CDC14A: variants seen among roughly 807,000 people sequenced by gnomAD.
The protein encoded by CDC14A is cell division cycle 14A.
Under a neutral mutation model 74.4 loss-of-function variants are expected in CDC14A, and 53 were observed. The ratio of observed to expected loss-of-function variants is 0.71; its 90% CI spans 0.57 to 0.89. The LOEUF is 0.89. Among genes scored for constraint, CDC14A ranks in the 40% least tolerant of loss-of-function variants. CDC14A has a pLI of 0.00. For synonymous variants in CDC14A, 247 were observed against 258.4 expected (o/e 0.96, Z 0.43); for missense variants, 646 against 713.7 (o/e 0.91, Z 1.08).
chr1:100,385,737 C>G (rs1489619544), intron 3 of CDC14A, among the ~76,000 whole-genome samples: 1 of 152,108 alleles, frequency 6.6e-6, no homozygotes, highest in East Asian at 1.9e-4. Flanking sequence ...GACCCCTAGT[C>G]TGGGAGACGT....
At chr1:100,380,806 C>T (rs1159193703) in intron 3 of CDC14A, among the ~76,000 whole-genome samples, 2 of 152,228 alleles carry the variant, frequency 1.3e-5, no homozygotes, top group Admixed American at 6.5e-5. Context: ...CCACTCCCAG[C>T]CTTGCACTTT....
At chr1:100,498,408 G>A (rs1009165705) in intron 14 of CDC14A, among the ~76,000 whole-genome samples, 3 of 152,174 alleles carry the variant, frequency 2.0e-5, no homozygotes, top group African/African-American at 4.8e-5. Flanking sequence ...GGTGCAAAGC[G>A]TGCTCTTCTT....
chr1:100,367,660 A>G (rs1450191398), intron 2 of CDC14A, among the ~76,000 whole-genome samples: 1 of 152,214 alleles, frequency 6.6e-6, no homozygotes, highest in African/African-American at 2.4e-5. Flanking sequence ...TGACTTTTGA[A>G]GACTTGTTCA....
At chr1:100,370,459 C>G (rs1161600462) in intron 2 of CDC14A, among the ~76,000 whole-genome samples, 2 of 152,106 alleles carry the variant, frequency 1.3e-5, no homozygotes, top group African/African-American at 4.8e-5. Context: ...ACATTTAAAT[C>G]TTTAATCTAT....
At chr1:100,378,881 T>G (rs534255404) in intron 3 of CDC14A, among the ~76,000 whole-genome samples, 24 of 152,308 alleles carry the variant, frequency 1.6e-4, no homozygotes, top group Middle Eastern at 3.4e-3. Context: ...GAAGCCAGTA[T>G]TTTAGAAAGT....
intron 6 of CDC14A, 57 bp from the exon 7 acceptor site, chr1:100,442,877 T>G: frequency 8.8e-7 from 1 of 1,138,482 alleles, no homozygotes; most frequent in Non-Finnish European, 1.3e-6. Flanking sequence ...GTTCCAGAAA[T>G]GATGAGTAGA....
intron 3 of CDC14A, among the ~76,000 whole-genome samples, chr1:100,378,654 A>G (rs140490273): frequency 4.7e-4 from 71 of 152,336 alleles, no homozygotes; most frequent in Non-Finnish European, 8.7e-4. Flanking sequence ...ATGGAATTAT[A>G]CCAAAAAGAA....
chr1:100,462,373 A>G, intron 8 of CDC14A: 5 of 406,872 alleles, frequency 1.2e-5, no homozygotes, highest in South Asian at 1.2e-4. Context: ...TGGGAGTGGG[A>G]AGAGTATGCT....
intron 9 of CDC14A, among the ~76,000 whole-genome samples, chr1:100,465,954 T>A (rs1019225506): frequency 1.3e-5 from 2 of 152,186 alleles, no homozygotes; most frequent in East Asian, 1.9e-4. Context: ...GCTTAAAAAA[T>A]TTTGTTAAAG....
upstream of CDC14A, among the ~76,000 whole-genome samples, chr1:100,349,509 C>T (rs1446817373): frequency 6.6e-6 from 1 of 152,170 alleles, no homozygotes; most frequent in Non-Finnish European, 1.5e-5. Context: ...TTTTTATGAT[C>T]TCATTAGAAC....
At chr1:100,360,256 T>C (rs1441376355) in intron 2 of CDC14A, among the ~76,000 whole-genome samples, 1 of 150,398 alleles carries the variant, frequency 6.6e-6, no homozygotes, top group Non-Finnish European at 1.5e-5. Context: ...CTAGCCTTTT[T>C]CACCTTCTGT....
At chr1:100,377,518 T>C in intron 2 of CDC14A, 28 bp from the exon 3 acceptor site, 1 of 1,512,442 alleles carries the variant, frequency 6.6e-7, no homozygotes, top group Non-Finnish European at 9.1e-7. Flanking sequence ...GACTAAATAC[T>C]ACGTTTTTTG....
intron 7 of CDC14A, among the ~76,000 whole-genome samples, chr1:100,448,876 T>C (rs1281584874): frequency 6.6e-6 from 1 of 152,238 alleles, no homozygotes; most frequent in Non-Finnish European, 1.5e-5. Context: ...CATCTCTCCA[T>C]GTGTAGGGTT....
intron 7 of CDC14A, among the ~76,000 whole-genome samples, chr1:100,453,537 T>G (rs1175837409): frequency 1.3e-5 from 2 of 152,242 alleles, no homozygotes; most frequent in African/African-American, 4.8e-5. Context: ...AATTAGATTC[T>G]TTATTTAAGT....
At chr1:100,407,338 G>A (rs1660086424) in intron 4 of CDC14A, among the ~76,000 whole-genome samples, 1 of 152,166 alleles carries the variant, frequency 6.6e-6, no homozygotes, top group South Asian at 2.1e-4. Flanking sequence ...CGTGAACATG[G>A]AATGTTTCTC....
chr1:100,496,065 T>C lies in CDC14A; in HGVS notation c.1298+16T>C, dbSNP rs186169849. ...AGCCTTTCAGGTACTGCCAATGAGGTTGAATGTCTAGTAGCTTGTAAATAT... is the reference window on the plus strand; with the variant it reads ...AGCCTTTCAGGTACTGCCAATGAGGCTGAATGTCTAGTAGCTTGTAAATAT... On this transcript the variant is annotated intron_variant, in intron 13 of 15. Transcript: ENST00000336454. The C allele has an allele frequency of 1.5e-4, 248 of 1,606,542 alleles. No homozygotes were observed. The highest frequency in any genetic ancestry group is 3.6e-4 in the East Asian group (16 of 44,858).
intron 12 of CDC14A, 103 bp from the exon 13 acceptor site, chr1:100,495,899 A>C: frequency 1.1e-6 from 1 of 931,550 alleles, no homozygotes; most frequent in Non-Finnish European, 1.7e-6. Context: ...CCCTTTTGCT[A>C]ATTTAATATT....
chr1:100,430,935 T>C (rs1411840412), intron 5 of CDC14A, among the ~76,000 whole-genome samples: 1 of 152,204 alleles, frequency 6.6e-6, no homozygotes, highest in Non-Finnish European at 1.5e-5. Context: ...TTAGTAAACT[T>C]TTGCTTTTGG....
intron 5 of CDC14A, among the ~76,000 whole-genome samples, chr1:100,432,710 C>T (rs1395465543): frequency 6.6e-6 from 1 of 152,136 alleles, no homozygotes; most frequent in Non-Finnish European, 1.5e-5. Flanking sequence ...GAGCAAAATA[C>T]ACTACTAAAA....
Sources: allele counts gnomAD v4.1 joint callset (sites outside exome capture counted in the v4.1 genomes callset), GRCh38; gene constraint gnomAD v4.1.1; transcripts MANE v1.5; gene names NCBI Gene and HGNC (gene_info 2026-07-23, HGNC 2026-07-21).